Variants in NLRP4 observed in about 807,000 individuals in gnomAD.
NLRP4 encodes the protein NLR family pyrin domain containing 4.
A neutral mutation model predicts 84.7 loss-of-function variants in NLRP4; 44 were observed. The observed-to-expected ratio is 0.52, with a 90% CI of 0.41 to 0.67. NLRP4 has a LOEUF of 0.67. Among genes scored for constraint, NLRP4 ranks in the 30% least tolerant of loss-of-function variants. The probability of loss-of-function intolerance (pLI) is 0.00; values close to 1 mark genes in which losing one functional copy is unlikely to be tolerated. For synonymous variants in NLRP4, 544 were observed against 476.4 expected, an observed-to-expected ratio of 1.14 and a Z score of -1.85; for missense variants, 1,260 against 1,219.4, an observed-to-expected ratio of 1.03 and a Z score of -0.50.
chr19:55,858,223 T>TC lies in NLRP4; in HGVS notation c.831dup (p.Ala278ArgfsTer29). ...ATGCTCCCGGAGGCCTCCCTGCTCA[T>TC]CGCTATCAAACCCGTGTGCCCGAAG... On this transcript the variant is annotated frameshift_variant, in exon 3 of 10. Coordinates refer to ENST00000301295, the MANE Select transcript of NLRP4 (RefSeq NM_134444.5). LOFTEE classifies it high-confidence loss of function. The surrounding 1 kb of genome is among the most constrained non-coding windows in gnomAD (Gnocchi z 4.2). 1 of 1,614,146 alleles carries TC rather than the reference T, an allele frequency of 6.2e-7. No individual in the cohort carries two copies. The highest frequency in any genetic ancestry group is 1.1e-5 in the South Asian group (1 of 91,070).
At chr19:55,863,085 G>A (rs1386951185) in intron 5 of NLRP4, among the ~76,000 whole-genome samples, 1 of 152,208 alleles carries the variant, frequency 6.6e-6, no homozygotes, top group East Asian at 1.9e-4. Flanking sequence ...AAATACCACT[G>A]ACAGTAAGTT....
rs747915856 is a variant in NLRP4, at chr19:55,858,122, C to T, written c.729C>T (p.Pro243=). 2.4e-5 allele frequency: 39 copies of T among 1,614,032 alleles called. No individual in the cohort carries two copies. Among genetic ancestry groups the T allele is most frequent in the Non-Finnish European group, 2.8e-5 (33 of 1,180,040 alleles). Residue 243 remains proline (P), a synonymous_variant, in exon 3 of 10, where the codon CCC becomes CCT. Coordinates refer to ENST00000301295, the MANE Select transcript of NLRP4 (RefSeq NM_134444.5). The surrounding 1 kb of genome is among the most constrained non-coding windows in gnomAD (Gnocchi z 4.2). Reference sequence around the variant, plus strand: ...AGCTGCAGGGCGGCTTGAACGAACCCGATTCGGATCTGTGTGGTGACTTGA... The same window carrying T: ...AGCTGCAGGGCGGCTTGAACGAACCTGATTCGGATCTGTGTGGTGACTTGA... ...FEELQGGLNE[P]DSDLCGDLME...
Position 55,858,290 on chromosome 19 carries a change from C to T in NLRP4, c.897C>T (p.Pro299=). 1 of 1,614,152 alleles carries T rather than the reference C, an allele frequency of 6.2e-7. No individual in the cohort carries two copies. Among genetic ancestry groups the T allele is most frequent in the South Asian group, 1.1e-5 (1 of 91,082 alleles). ...DQVTISEIYQ[P]RGFNESDRLV... ...TGACGATCTCAGAAATCTACCAGCC[C>T]CGGGGATTCAACGAGAGTGATAGGT... Residue 299 remains proline (P), a synonymous_variant, in exon 3 of 10, where the codon CCC becomes CCT. Transcript: ENST00000301295. This position sits in a 1 kb window ranked among gnomAD's most constrained non-coding sequence, Gnocchi z 4.2.
chr19:55,854,136 A>AT (rs1216293523), intron 2 of NLRP4, among the ~76,000 whole-genome samples: 1 of 151,566 alleles, frequency 6.6e-6, no homozygotes, highest in Non-Finnish European at 1.5e-5. Flanking sequence ...CACCCGGCTA[A>AT]TTTTTTTGTA....
intron 1 of NLRP4, 101 bp from the exon 2 acceptor site, chr19:55,851,915 C>G (rs550897437): frequency 3.5e-6 from 2 of 576,468 alleles, no homozygotes; most frequent in East Asian, 3.1e-5. Context: ...AATAACTTTC[C>G]GCCTTCATTG....
At position 55,861,451 on chromosome 19, in the gene NLRP4, G is replaced by C. The variant is rs1217068613; in HGVS notation, c.1922G>C (p.Arg641Thr). The change falls in exon 4 of 10, where the codon AGA becomes ACA. Residue 641 changes from arginine (R) to threonine (T), a missense_variant. Coordinates refer to ENST00000301295, the MANE Select transcript of NLRP4 (RefSeq NM_134444.5). Reference protein sequence around the residue: ...CSVLTTSGHLRELQVQDSTLS... With the variant: ...CSVLTTSGHLTELQVQDSTLS... ...GTGCTCACCACCAGCGGGCACCTCAGAGAGCTCCAGGTGCAGGACAGCACC... is the reference window on the plus strand; with the variant it reads ...GTGCTCACCACCAGCGGGCACCTCACAGAGCTCCAGGTGCAGGACAGCACC... 1.7e-5 allele frequency: 28 copies of C among 1,614,030 alleles called. No homozygotes were observed. The highest frequency in any genetic ancestry group is 2.3e-5 in the Non-Finnish European group (27 of 1,179,830).
intron 6 of NLRP4, among the ~76,000 whole-genome samples, chr19:55,869,759 T>G (rs1985101247): frequency 6.8e-6 from 1 of 147,382 alleles, no homozygotes; most frequent in Non-Finnish European, 1.5e-5. Context: ...CTCCACACTT[T>G]TTTTTCAAAG....
rs754080264 is a variant in NLRP4 at position 55,859,006 on chromosome 19, T to C, written c.1613T>C (p.Leu538Ser). ...CAAATTCACCAGTGCCTGAAGAGCTTAGGGGAGCGTGGCAATCCTCAGGGA... is the reference window on the plus strand; with the variant it reads ...CAAATTCACCAGTGCCTGAAGAGCTCAGGGGAGCGTGGCAATCCTCAGGGA... ...KQQIHQCLKSLGERGNPQGQV... is the reference protein window; with the variant it reads ...KQQIHQCLKSSGERGNPQGQV... Residue 538 changes from leucine to serine, a missense_variant, in exon 3 of 10, where the codon TTA (leucine) becomes TCA (serine). Leu to Ser is a moderately radical substitution (Grantham distance 145). Coordinates refer to ENST00000301295, the MANE Select transcript of NLRP4 (RefSeq NM_134444.5). 1 of 1,614,148 alleles carries C rather than the reference T, an allele frequency of 6.2e-7. No individual in the cohort carries two copies. The highest frequency in any genetic ancestry group is 1.7e-5 in the Admixed American group (1 of 60,018).
At chr19:55,867,620 G>A (rs548471836) in intron 5 of NLRP4, 89 bp from the exon 6 acceptor site, 4 of 1,204,088 alleles carry the variant, frequency 3.3e-6, no homozygotes, top group South Asian at 1.4e-5. Flanking sequence ...GACAGCAAAT[G>A]TGGGCTTCCC....
At chr19:55,849,971 GTAGCTGCGGTGT>G (rs1568658238) in intron 1 of NLRP4, among the ~76,000 whole-genome samples, 6 of 122,210 alleles carry the variant, frequency 4.9e-5, no homozygotes, top group African/African-American at 1.8e-4. Context: ...TGTAATTTCC[GTAGCTGCGGTGT>G]AATTTCCGAG....
At chr19:55,848,379 G>GTATAC (rs1218264726) in intron 1 of NLRP4, among the ~76,000 whole-genome samples, 2 of 151,472 alleles carry the variant, frequency 1.3e-5, no homozygotes. Flanking sequence ...CTATAGTATT[G>GTATAC]TATACTATAC....
At chr19:55,867,632 A>G (rs1239184787) in intron 5 of NLRP4, 77 bp from the exon 6 acceptor site, 1 of 1,365,864 alleles carries the variant, frequency 7.3e-7, no homozygotes, top group Non-Finnish European at 1.0e-6. Flanking sequence ...GGGCTTCCCG[A>G]CTCTGACAGG....
chr19:55,852,331 T>G lies in NLRP4; in HGVS notation c.251T>G (p.Leu84Arg). 1 of 1,606,072 alleles carries G rather than the reference T, an allele frequency of 6.2e-7. No individual in the cohort carries two copies. The highest frequency in any genetic ancestry group is 8.5e-7 in the Non-Finnish European group (1 of 1,177,632). The change falls in exon 2 of 10, where the codon CTC (leucine) becomes CGC (arginine). Residue 84 changes from leucine (L) to arginine (R), a missense_variant. This residue lies in a region of NLRP4 where 712 missense variants were observed against 669.2 expected (regional missense o/e 1.06). Coordinates refer to ENST00000301295, the MANE Select transcript of NLRP4 (RefSeq NM_134444.5). Reference protein sequence around the residue: ...RIFQKMDRKDLCMKVMRERTG... With the variant: ...RIFQKMDRKDRCMKVMRERTG... ...TTTCAAAAGATGGATAGAAAGGATC[T>G]CTGCATGAAGGTCATGAGGGAGAGA... is the stretch of plus-strand genomic sequence containing the variant.
At chr19:55,837,962 G>A (rs1983436697) in intron 1 of NLRP4, among the ~76,000 whole-genome samples, 2 of 150,664 alleles carry the variant, frequency 1.3e-5, no homozygotes, top group African/African-American at 4.9e-5. Context: ...CCTGAACCCA[G>A]GAGGTGGAGA....
intron 1 of NLRP4, among the ~76,000 whole-genome samples, chr19:55,850,150 C>T (rs576199999): frequency 7.0e-5 from 10 of 141,858 alleles, no homozygotes; most frequent in South Asian, 4.6e-4. Flanking sequence ...GTGTAATTTC[C>T]GAGGCTGCGG....
chr19:55,862,130 C>A lies in NLRP4; in HGVS notation c.2157C>A (p.Asn719Lys). The A allele has an allele frequency of 6.2e-7, 1 of 1,613,954 alleles. No individual in the cohort carries two copies. Among genetic ancestry groups the A allele is most frequent in the South Asian group, 1.1e-5 (1 of 91,082 alleles). Reference protein sequence around the residue: ...DDIRSLCDALNYPAGNVKELA... With the variant: ...DDIRSLCDALKYPAGNVKELA... ...TCAGGTCCCTCTGTGATGCCTTGAACTACCCAGCAGGCAACGTCAAAGAGC... is the reference window on the plus strand; with the variant it reads ...TCAGGTCCCTCTGTGATGCCTTGAAATACCCAGCAGGCAACGTCAAAGAGC... Residue 719 changes from asparagine (N) to lysine (K), a missense_variant, in exon 5 of 10, where the codon AAC (asparagine) becomes AAA (lysine). Around this residue, in one of 3 missense-constraint regions of NLRP4, gnomAD observed 544 missense variants for 531.7 expected, o/e 1.02. Coordinates refer to ENST00000301295, the MANE Select transcript of NLRP4 (RefSeq NM_134444.5).
At chr19:55,852,478 T>G (rs1296778816) in intron 2 of NLRP4, 118 bp downstream of exon 2, 3 of 220,502 alleles carry the variant, frequency 1.4e-5, no homozygotes, top group South Asian at 1.1e-4. Context: ...AATATTAGGT[T>G]TTTTTTTTTT....
Position 55,876,025 on chromosome 19 carries a change from G to A in NLRP4, c.2526-971G>A, listed in dbSNP as rs1985355646. Among the ~76,000 whole-genome samples the A allele has an allele frequency of 4.6e-5, 7 of 152,248 alleles. No individual in the cohort carries two copies. The South Asian group carries it at 1.5e-3, about 32-fold the overall frequency. The stretch of plus-strand genomic sequence containing the variant: ...GCATTCCAGCCTGGACAACAGGAGT[G>A]AAACTCCGTCTCAAATAAAAATAAT... On this transcript the variant is annotated intron_variant, in intron 7 of 9. Coordinates refer to ENST00000301295, the MANE Select transcript of NLRP4 (RefSeq NM_134444.5).
At chr19:55,868,820 G>A (rs56057374) in intron 6 of NLRP4, among the ~76,000 whole-genome samples, 4,271 of 152,212 alleles carry the variant, frequency 0.028, 153 homozygotes, top group African/African-American at 0.08. Context: ...TGGGAGATAG[G>A]GGAGGATGGA....
Sources: gnomAD v4.1 joint callset for allele counts (sites outside exome capture counted in the v4.1 genomes callset) on GRCh38, gnomAD v4.1.1 for gene constraint, gnomAD v4.1.1 regional missense constraint, Gnocchi (gnomAD v3.1) non-coding constraint, MANE v1.5 for transcripts, NCBI Gene and HGNC (gene_info 2026-07-23, HGNC 2026-07-21) for gene names.